The following ARHGAP8 variants were observed in gnomAD, a reference collection of about 807,000 sequenced individuals.
ARHGAP8 encodes the protein Rho GTPase activating protein 8, also known as rho GTPase-activating protein 8.
Under a neutral mutation model 46.1 loss-of-function variants are expected in ARHGAP8, and 62 were observed. The observed-to-expected ratio is 1.34, with a 90% CI of 1.10 to 1.66. The LOEUF is 1.66. Ranked by LOEUF, ARHGAP8 falls within the 40% of genes most tolerant of loss-of-function variation. The pLI, the probability that ARHGAP8 is intolerant of heterozygous loss-of-function variation, is 0.00. For missense variants in ARHGAP8, 923 were observed against 568.4 expected (o/e 1.62, Z -6.34); for synonymous variants, 375 against 243.1 (o/e 1.54, Z -5.05).
chr22:44,778,550 GGATTGCT>G (rs1462584389), intron 1 of ARHGAP8, among the ~76,000 whole-genome samples: 2 of 152,134 alleles, frequency 1.3e-5, no homozygotes, highest in Non-Finnish European at 2.9e-5. Context: ...CCCAGTAGCG[GGATTGCT>G]GGATCAAATG....
chr22:44,859,016 G>T (rs13340075), intron 10 of ARHGAP8, among the ~76,000 whole-genome samples: 23,620 of 149,850 alleles, frequency 0.16, 2,388 homozygotes, highest in African/African-American at 0.29. Context: ...CCAAGAAAAC[G>T]TTATTGGCAA....
chr22:44,763,682 G>A (rs1441971929), intron 1 of ARHGAP8, among the ~76,000 whole-genome samples: 1 of 152,012 alleles, frequency 6.6e-6, no homozygotes, highest in Admixed American at 6.6e-5. Context: ...AGTGCAAATG[G>A]AGGCAAATTC....
intron 7 of ARHGAP8, among the ~76,000 whole-genome samples, chr22:44,829,417 T>C (rs9614576): frequency 0.5 from 76,219 of 152,098 alleles, 19,668 homozygotes; most frequent in East Asian, 0.7. Flanking sequence ...CCTAGAAGGC[T>C]ACCAGAGATA....
intron 11 of ARHGAP8, among the ~76,000 whole-genome samples, chr22:44,861,319 C>T (rs3830118): frequency 6.6e-6 from 1 of 152,022 alleles, no homozygotes; most frequent in Non-Finnish European, 1.5e-5. Context: ...CTAGCCGCCA[C>T]CTCCATGGGC....
At chr22:44,851,970 C>T (rs1235878733) in intron 10 of ARHGAP8, among the ~76,000 whole-genome samples, 1 of 152,094 alleles carries the variant, frequency 6.6e-6, no homozygotes, top group African/African-American at 2.4e-5. Context: ...GTGGGTGGAT[C>T]ACCTGAGGTC....
intron 1 of ARHGAP8, among the ~76,000 whole-genome samples, chr22:44,761,998 C>T (rs1444228821): frequency 1.3e-5 from 2 of 152,342 alleles, no homozygotes; most frequent in African/African-American, 4.8e-5. Context: ...TTACCTCCCA[C>T]CAGGTCCCTC....
At chr22:44,786,751 A>G (rs1200514917) in intron 2 of ARHGAP8, 145 bp downstream of exon 2, 9 of 1,264,608 alleles carry the variant, frequency 7.1e-6, no homozygotes, top group African/African-American at 1.5e-5. Flanking sequence ...GCAGTGGCTC[A>G]TACCTTTAAT....
intron 10 of ARHGAP8, among the ~76,000 whole-genome samples, chr22:44,854,526 C>G (rs1753009310): frequency 6.6e-6 from 1 of 152,126 alleles, no homozygotes; most frequent in Admixed American, 6.6e-5. Flanking sequence ...AGCCACCATG[C>G]CAGGCCCTTG....
chr22:44,860,116 G>C (rs796303866), intron 11 of ARHGAP8, among the ~76,000 whole-genome samples: 2 of 152,094 alleles, frequency 1.3e-5, no homozygotes, highest in Non-Finnish European at 2.9e-5. Context: ...GGGGTCCTCT[G>C]CCCCCATGTC....
Position 44,857,203 on chromosome 22 carries a change from G to T in ARHGAP8, c.878-2528G>T, listed in dbSNP as rs1256460191. On this transcript the variant is annotated intron_variant, in intron 10 of 11. Transcript: ENST00000356099. ...GATTCACCCACCTCGGCCTCTGAAA[G>T]TGCTGGTATTATAGGTGTGAGCCAC... Among the ~76,000 whole-genome samples the T allele has an allele frequency of 1.3e-5, 2 of 150,932 alleles. 1 individual carries two copies. The highest frequency in any genetic ancestry group is 2.9e-5 in the Non-Finnish European group (2 of 67,942).
chr22:44,753,313 C>T (rs939578428), intron 1 of ARHGAP8, among the ~76,000 whole-genome samples: 13 of 151,990 alleles, frequency 8.6e-5, no homozygotes, highest in Non-Finnish European at 1.6e-4. Flanking sequence ...CCTCCGCCTC[C>T]TGGGTTCAAG....
chr22:44,769,878 G>T (rs985149541), intron 1 of ARHGAP8, among the ~76,000 whole-genome samples: 3 of 152,154 alleles, frequency 2.0e-5, no homozygotes, highest in Admixed American at 1.3e-4. Context: ...AGAGGCTAGG[G>T]TTTCTCAAGG....
At chr22:44,815,746 C>T (rs552395369) in intron 5 of ARHGAP8, among the ~76,000 whole-genome samples, 3 of 152,238 alleles carry the variant, frequency 2.0e-5, no homozygotes, top group South Asian at 4.1e-4. Flanking sequence ...TCAAGGGGCT[C>T]GTGAGGCCTG....
At chr22:44,804,547 T>A (rs1278401843) in intron 3 of ARHGAP8, among the ~76,000 whole-genome samples, 1 of 152,188 alleles carries the variant, frequency 6.6e-6, no homozygotes, top group Non-Finnish European at 1.5e-5. Context: ...TATGTGCCCT[T>A]GTGAGGACAG....
intron 3 of ARHGAP8, among the ~76,000 whole-genome samples, chr22:44,804,136 G>T (rs1294639201): frequency 1.3e-5 from 2 of 152,024 alleles, no homozygotes; most frequent in Non-Finnish European, 2.9e-5. Context: ...TGCACCCTCT[G>T]CATTGGCCGT....
chr22:44,802,333 G>T (rs1290656142), intron 3 of ARHGAP8, among the ~76,000 whole-genome samples, 169 bp downstream of exon 3: 1 of 152,214 alleles, frequency 6.6e-6, no homozygotes, highest in Admixed American at 6.5e-5. Flanking sequence ...GCCAACTGTG[G>T]ACACCCCTGG....
rs1166348932 is a variant in ARHGAP8 at position 44,824,643 on chromosome 22, T to A, written c.486-840T>A. On this transcript the variant is annotated intron_variant, in intron 6 of 11. Transcript: ENST00000356099. ...TCTTTCTTCTTCTTTTCTTTTTTTT[T>A]TTTTTTTGAGATGGAGTCTTGCTCT... Among the ~76,000 whole-genome samples the A allele has an allele frequency of 3.3e-5, 5 of 151,016 alleles. No individual in the cohort carries two copies. In the South Asian group the frequency reaches 1.0e-3, roughly 32 times the overall value.
chr22:44,788,511 G>A (rs527313355), intron 2 of ARHGAP8, among the ~76,000 whole-genome samples: 2 of 152,058 alleles, frequency 1.3e-5, no homozygotes, highest in Admixed American at 1.3e-4. Flanking sequence ...CCAAGTGCAA[G>A]TCCTCCTGAG....
rs147242983 is a variant in ARHGAP8 at position 44,827,087 on chromosome 22, C to T, written c.596+1494C>T. Among the ~76,000 whole-genome samples, 64 of 152,072 alleles carry T rather than the reference C, an allele frequency of 4.2e-4. 1 individual carries two copies. The highest frequency in any genetic ancestry group is 1.4e-3 in the African/African-American group (59 of 41,500). On this transcript the variant is annotated intron_variant, in intron 7 of 11. Coordinates refer to ENST00000356099, the MANE Select transcript of ARHGAP8 (RefSeq NM_181335.3). ...AGGTTATCTTGGGTTCTCTGGTGGG[C>T]CCAAAGCAATCGCCAGCGTCTTTAC...
Sources: allele counts gnomAD v4.1 joint callset (sites outside exome capture counted in the v4.1 genomes callset), GRCh38; gene constraint gnomAD v4.1.1; transcripts MANE v1.5; gene names NCBI Gene and HGNC (gene_info 2026-07-23, HGNC 2026-07-21).